Variants in OR51B5 observed in about 807,000 individuals in gnomAD.
The protein encoded by OR51B5 is olfactory receptor family 51 subfamily B member 5.
For synonymous variants in OR51B5, 186 were observed against 144.8 expected, an observed-to-expected ratio of 1.28 and a Z score of -2.04; for missense variants, 456 against 374.6, an observed-to-expected ratio of 1.22 and a Z score of -1.79.
chr11:5,413,211 C>T (rs910640975), intron 1 of OR51B5, among the ~76,000 whole-genome samples: 6 of 152,204 alleles, frequency 3.9e-5, no homozygotes, highest in African/African-American at 1.4e-4. Context: ...TCCAACAGAC[C>T]TGCAGCTGAG....
At chr11:5,398,335 G>T (rs1849913229) in intron 1 of OR51B5, among the ~76,000 whole-genome samples, 1 of 152,150 alleles carries the variant, frequency 6.6e-6, no homozygotes, top group South Asian at 2.1e-4. Context: ...TCTGGATATT[G>T]AGAGAGGCTA....
chr11:5,380,000 A>G (rs1256478545), intron 1 of OR51B5, among the ~76,000 whole-genome samples: 2 of 131,176 alleles, frequency 1.5e-5, no homozygotes, highest in Non-Finnish European at 3.3e-5. Context: ...AAAAAAAAAA[A>G]ATAAGCTACC....
At chr11:5,437,905 G>T (rs1850614421) in intron 1 of OR51B5, among the ~76,000 whole-genome samples, 1 of 152,138 alleles carries the variant, frequency 6.6e-6, no homozygotes, top group African/African-American at 2.4e-5. Context: ...CTATCAAGTG[G>T]TGCGATGGTT....
chr11:5,413,699 T>C lies in OR51B5; in HGVS notation n.85-66789A>G, dbSNP rs200088969. On this transcript the variant is annotated intron_variant and non_coding_transcript_variant, in intron 1 of 4. Coordinates refer to the OR51B5 transcript ENST00000415970. ...AGGGTATCAGTGATGGAAGATGAAA[T>C]GAATGAAATGAAGCAAGAAGAGAAG... Among the ~76,000 whole-genome samples the C allele has an allele frequency of 1.3e-4, 20 of 151,974 alleles. No individual in the cohort carries two copies. In the East Asian group the frequency reaches 2.3e-3, roughly 18 times the overall value.
At chr11:5,477,940 G>T (rs1219636842) in intron 1 of OR51B5, among the ~76,000 whole-genome samples, 1 of 151,336 alleles carries the variant, frequency 6.6e-6, no homozygotes, top group Non-Finnish European at 1.5e-5. Context: ...GGGGAGGGGC[G>T]CCCGCCATTG....
chr11:5,456,152 G>C (rs1428795292), intron 1 of OR51B5: 1 of 152,162 alleles, frequency 6.6e-6, no homozygotes, highest in Non-Finnish European at 1.5e-5. Context: ...TCCTACCTCA[G>C]AAGCAGCGAG....
chr11:5,364,569 C>T (rs1218684000), intron 1 of OR51B5, among the ~76,000 whole-genome samples: 1 of 150,736 alleles, frequency 6.6e-6, no homozygotes, highest in Non-Finnish European at 1.5e-5. Flanking sequence ...AAAAAATATT[C>T]TGTATTAAAT....
chr11:5,394,984 T>A (rs746299906), intron 1 of OR51B5, among the ~76,000 whole-genome samples: 7 of 152,138 alleles, frequency 4.6e-5, no homozygotes. Flanking sequence ...AAAAGAGGAT[T>A]GAGAAGCACC....
chr11:5,345,688 C>G (rs901837764), upstream of OR51B5: 1 of 152,042 alleles, frequency 6.6e-6, no homozygotes, highest in Non-Finnish European at 1.5e-5. Context: ...AAAAGATGGT[C>G]GTATCCAAAT....
At chr11:5,350,104 AAAC>A (rs1849054587) in intron 1 of OR51B5, among the ~76,000 whole-genome samples, 1 of 152,190 alleles carries the variant, frequency 6.6e-6, no homozygotes, top group African/African-American at 2.4e-5. Flanking sequence ...TACTTCTCTG[AAAC>A]AATAACAAAA....
At chr11:5,364,368 A>G (rs1849334543) in intron 1 of OR51B5, among the ~76,000 whole-genome samples, 1 of 152,176 alleles carries the variant, frequency 6.6e-6, no homozygotes, top group Non-Finnish European at 1.5e-5. Context: ...ACAGGAGGTC[A>G]TGGTAAGGCT....
rs568112911 is a variant in OR51B5 at position 5,420,679 on chromosome 11, A to G, written n.85-73769T>C. Among the ~76,000 whole-genome samples the G allele has an allele frequency of 1.7e-3, 256 of 152,214 alleles. 2 individuals carry two copies. The highest frequency in any genetic ancestry group is 7.3e-3 in the South Asian group (35 of 4,826). ...AAGTCTTCACAAAGGAAAGATTTAA[A>G]TGCTTATATTATTTTCTCTATTTTA... On this transcript the variant is annotated intron_variant and non_coding_transcript_variant, in intron 1 of 4. Coordinates refer to the OR51B5 transcript ENST00000415970.
intron 1 of OR51B5, among the ~76,000 whole-genome samples, chr11:5,466,636 CAT>C (rs1564822855): frequency 6.6e-6 from 1 of 152,210 alleles, no homozygotes; most frequent in Admixed American, 6.5e-5. Context: ...AGAATTAGCA[CAT>C]ATCTCTTTTT....
intron 1 of OR51B5, among the ~76,000 whole-genome samples, chr11:5,500,113 C>T (rs1053611285): frequency 1.3e-5 from 2 of 152,126 alleles, no homozygotes; most frequent in African/African-American, 2.4e-5. Context: ...ATTATGTGCA[C>T]CTTTGTGAGA....
chr11:5,466,750 G>T (rs1851143843), intron 1 of OR51B5, among the ~76,000 whole-genome samples: 1 of 152,126 alleles, frequency 6.6e-6, no homozygotes, highest in South Asian at 2.1e-4. Context: ...GCAGCTCTAG[G>T]GGTCCCTCTG....
intron 1 of OR51B5, among the ~76,000 whole-genome samples, chr11:5,460,526 T>G (rs1851034649): frequency 6.6e-6 from 1 of 152,214 alleles, no homozygotes; most frequent in African/African-American, 2.4e-5. Flanking sequence ...TCAACCTTCT[T>G]CAGTATCTCA....
chr11:5,389,856 T>G (rs1849765597), intron 1 of OR51B5: 12 of 1,613,802 alleles, frequency 7.4e-6, no homozygotes, highest in African/African-American at 1.3e-5. Flanking sequence ...GGCCAGCAAG[T>G]GGTCAGAGCA....
At position 5,425,127 on chromosome 11, in the gene OR51B5, G is replaced by A. The variant is rs545292575; in HGVS notation, n.85-78217C>T. ...TTAATAGAAACATGGGTCTGCTGGC[G>A]TAAATTGCAAAATGGAAGATGTGCA... On this transcript the variant is annotated intron_variant and non_coding_transcript_variant, in intron 1 of 4. Coordinates refer to the OR51B5 transcript ENST00000415970. Among the ~76,000 whole-genome samples the A allele has an allele frequency of 1.6e-4, 24 of 151,656 alleles. 1 individual carries two copies. Among genetic ancestry groups the A allele is most frequent in the African/African-American group, 4.4e-4 (18 of 41,334 alleles).
intron 1 of OR51B5, among the ~76,000 whole-genome samples, chr11:5,410,051 G>T (rs1850121164): frequency 6.6e-6 from 1 of 151,972 alleles, no homozygotes; most frequent in South Asian, 2.1e-4. Context: ...CTTTTAAAAT[G>T]AAAAAGTAAA....
Sources: allele counts gnomAD v4.1 joint callset (sites outside exome capture counted in the v4.1 genomes callset), GRCh38; gene constraint gnomAD v4.1.1; transcripts MANE v1.5; gene names NCBI Gene and HGNC (gene_info 2026-07-23, HGNC 2026-07-21).